Variants in FMNL2 observed in about 807,000 individuals in gnomAD.
FMNL2 encodes the protein formin-like protein 2.
Under a neutral mutation model 130.2 loss-of-function variants are expected in FMNL2, and 51 were observed. The ratio of observed to expected loss-of-function variants is 0.39; its 90% confidence interval spans 0.31 to 0.49. The LOEUF is 0.49. Ranked by LOEUF, FMNL2 falls within the 20% of genes least tolerant of loss-of-function variation. FMNL2 has a pLI of 0.85. For synonymous variants in FMNL2, 465 were observed against 467.1 expected (o/e 1.00, Z 0.06); for missense variants, 977 against 1,316.2 (o/e 0.74, Z 3.99).
At chr2:152,496,942 A>G (rs1247504702) in intron 1 of FMNL2, among the ~76,000 whole-genome samples, 1 of 151,778 alleles carries the variant, frequency 6.6e-6, no homozygotes, top group Non-Finnish European at 1.5e-5. Flanking sequence ...CCCTGGAATC[A>G]GTCATTTTTC....
chr2:152,629,424 T>C (rs1682017208), intron 18 of FMNL2, among the ~76,000 whole-genome samples: 1 of 152,226 alleles, frequency 6.6e-6, no homozygotes, highest in African/African-American at 2.4e-5. Flanking sequence ...CAAGTTCCTA[T>C]GTTACTTGCT....
intron 1 of FMNL2, among the ~76,000 whole-genome samples, chr2:152,480,908 A>G (rs1202775134): frequency 6.6e-6 from 1 of 152,158 alleles, no homozygotes; most frequent in Non-Finnish European, 1.5e-5. Context: ...TCAAGGACTC[A>G]TTTTTGAGTA....
intron 10 of FMNL2, among the ~76,000 whole-genome samples, chr2:152,610,328 G>T (rs1473850678): frequency 6.6e-6 from 1 of 151,990 alleles, no homozygotes; most frequent in Non-Finnish European, 1.5e-5. Context: ...CATACCATCA[G>T]ATTCATCCAA....
At chr2:152,614,767 A>C (rs193034458) in intron 11 of FMNL2, 84 bp from the exon 12 acceptor site, 28 of 1,149,072 alleles carry the variant, frequency 2.4e-5, no homozygotes, top group South Asian at 3.8e-5. Context: ...CAAAACAAAA[A>C]ACAAAAAAGA....
chr2:152,524,800 G>C (rs1483442076), intron 2 of FMNL2, among the ~76,000 whole-genome samples: 1 of 152,168 alleles, frequency 6.6e-6, no homozygotes, highest in Non-Finnish European at 1.5e-5. Flanking sequence ...TCTTAGCACA[G>C]TGGGTACTGT....
At chr2:152,632,362 C>T (rs1292090827) in intron 21 of FMNL2, among the ~76,000 whole-genome samples, 4 of 152,202 alleles carry the variant, frequency 2.6e-5, no homozygotes, top group Non-Finnish European at 5.9e-5. Flanking sequence ...AAGACACAGG[C>T]CACTGAGCGT....
chr2:152,522,980 T>C (rs888732717), intron 2 of FMNL2, among the ~76,000 whole-genome samples: 2 of 152,148 alleles, frequency 1.3e-5, no homozygotes, highest in African/African-American at 4.8e-5. Flanking sequence ...GGTGTTGATA[T>C]CCAACATACA....
At chr2:152,339,909 A>C (rs1681701641) in intron 1 of FMNL2, among the ~76,000 whole-genome samples, 1 of 152,148 alleles carries the variant, frequency 6.6e-6, no homozygotes. Context: ...GGCTGGGCAC[A>C]GTGGCTCACC....
At chr2:152,515,405 C>T (rs544118713) in intron 1 of FMNL2, among the ~76,000 whole-genome samples, 1 of 152,246 alleles carries the variant, frequency 6.6e-6, no homozygotes, top group East Asian at 1.9e-4. Context: ...TATCTGTATT[C>T]AGCCCAGTCA....
intron 21 of FMNL2, among the ~76,000 whole-genome samples, chr2:152,635,916 G>T (rs1184473887): frequency 1.3e-5 from 2 of 152,174 alleles, no homozygotes; most frequent in African/African-American, 2.4e-5. Context: ...GGAAAGTCGG[G>T]GCAGGAGTTT....
At chr2:152,391,871 T>C (rs1474948381) in intron 1 of FMNL2, among the ~76,000 whole-genome samples, 1 of 146,914 alleles carries the variant, frequency 6.8e-6, no homozygotes, top group Non-Finnish European at 1.5e-5. Context: ...CCAGAAACAG[T>C]GAATTAAAAG....
intron 1 of FMNL2, among the ~76,000 whole-genome samples, chr2:152,377,235 A>G (rs1003136679): frequency 6.6e-5 from 10 of 152,224 alleles, no homozygotes; most frequent in African/African-American, 2.4e-4. Flanking sequence ...CTGCCATCTT[A>G]CAGAGAGACT....
rs571926471 is a variant in FMNL2, at chr2:152,483,387, AT to A, written c.118-38555del. On this transcript the variant is annotated intron_variant, in intron 1 of 25. Transcript: ENST00000288670. ...AATTACAGACACATTAAAAAAAAAA[AT>A]AAAGTGACAGAAATCTACTAGTTTT... 5.9e-5 allele frequency among the ~76,000 whole-genome samples: 9 copies of A among 152,202 alleles called. No individual in the cohort carries two copies. The South Asian group carries it at 1.9e-3, about 32-fold the overall frequency.
intron 1 of FMNL2, among the ~76,000 whole-genome samples, chr2:152,416,804 G>A (rs1686641455): frequency 6.6e-6 from 1 of 152,160 alleles, no homozygotes; most frequent in South Asian, 2.1e-4. Context: ...TGAAAATGTG[G>A]ATCAAGTAGG....
At chr2:152,364,135 G>A (rs1683348740) in intron 1 of FMNL2, among the ~76,000 whole-genome samples, 1 of 152,058 alleles carries the variant, frequency 6.6e-6, no homozygotes, top group African/African-American at 2.4e-5. Flanking sequence ...AGACAAGTGA[G>A]TTGAGCCAGA....
intron 1 of FMNL2, among the ~76,000 whole-genome samples, chr2:152,446,374 A>G (rs900137616): frequency 2.0e-4 from 31 of 152,216 alleles, no homozygotes; most frequent in Non-Finnish European, 2.4e-4. Context: ...AGATGAAATG[A>G]CATGCTGTCT....
At chr2:152,368,479 A>T (rs1220978189) in intron 1 of FMNL2, among the ~76,000 whole-genome samples, 2 of 140,450 alleles carry the variant, frequency 1.4e-5, no homozygotes, top group African/African-American at 2.5e-5. Flanking sequence ...TTTTTTTTTT[A>T]AGCAGTAAAA....
intron 9 of FMNL2, among the ~76,000 whole-genome samples, chr2:152,590,183 G>GC (rs1451500863): frequency 4.6e-5 from 7 of 150,888 alleles, no homozygotes; most frequent in Non-Finnish European, 8.9e-5. Context: ...ACCATGTCTG[G>GC]CCTTCTAGCT....
chr2:152,405,411 C>G (rs1276259511), intron 1 of FMNL2, among the ~76,000 whole-genome samples: 1 of 152,234 alleles, frequency 6.6e-6, no homozygotes, highest in Non-Finnish European at 1.5e-5. Context: ...CCCCAACATC[C>G]TGTCCTTGTT....
Sources: allele counts gnomAD v4.1 joint callset (sites outside exome capture counted in the v4.1 genomes callset), GRCh38; gene constraint gnomAD v4.1.1; transcripts MANE v1.5; gene names NCBI Gene and HGNC (gene_info 2026-07-23, HGNC 2026-07-21).